SLC48A1: variants seen among roughly 807,000 people sequenced by gnomAD.
The protein encoded by SLC48A1 is solute carrier family 48 member 1.
Under a neutral mutation model 14.8 loss-of-function variants are expected in SLC48A1, and 6 were observed. The ratio of observed to expected loss-of-function variants is 0.41; its 90% CI spans 0.22 to 0.80. The LOEUF is 0.80. SLC48A1 is among the 30% of genes least tolerant of loss of function. The pLI is 0.34. For synonymous variants in SLC48A1, 89 were observed against 90.0 expected (o/e 0.99, Z 0.06); for missense variants, 165 against 204.8 (o/e 0.81, Z 1.19).
Position 47,780,947 on chromosome 12 carries a change from G to A in SLC48A1, c.*666G>A, listed in dbSNP as rs1342857412. On this transcript the variant is annotated 3_prime_UTR_variant, in exon 3 of 3. Transcript: ENST00000442218. The stretch of plus-strand genomic sequence containing the variant: ...CAAAGTCAAGAGGTCAAGGTGTAGG[G>A]CCATGAGGCCTGGACCTATGCTGCA... 1 of 532,754 alleles carries A rather than the reference G, an allele frequency of 1.9e-6. No homozygotes were observed. Among genetic ancestry groups the A allele is most frequent in the South Asian group, 1.4e-5 (1 of 71,398 alleles). The allele number at this position is 532,754 out of a possible 1,614,324, so 33.0% of individuals were successfully genotyped here. A position where few individuals can be genotyped will look rare whatever the true frequency, so the allele number is the denominator to read the frequency against.
intron 2 of SLC48A1, among the ~76,000 whole-genome samples, chr12:47,764,885 T>C (rs1411638052): frequency 5.9e-5 from 9 of 151,978 alleles, no homozygotes; most frequent in Admixed American, 5.9e-4. Context: ...GAGACCATCC[T>C]GGCCAACATG....
chr12:47,769,268 A>G (rs995228699), upstream of SLC48A1: 1 of 152,306 alleles, frequency 6.6e-6, no homozygotes, highest in Non-Finnish European at 1.5e-5. Context: ...GTGGAGCACT[A>G]GTAGTTTCTG....
intron 1 of SLC48A1, among the ~76,000 whole-genome samples, chr12:47,773,917 G>A (rs1942685798): frequency 6.6e-6 from 1 of 152,264 alleles, no homozygotes; most frequent in African/African-American, 2.4e-5. Flanking sequence ...GGGAAGAAGT[G>A]GGAAAGGAAG....
upstream of SLC48A1, among the ~76,000 whole-genome samples, chr12:47,771,945 A>C (rs928687120): frequency 9.2e-5 from 14 of 152,032 alleles, no homozygotes; most frequent in Non-Finnish European, 1.8e-4. Context: ...AAAAAAAAAA[A>C]AAGTCAAGGA....
At chr12:47,775,255 G>A (rs1375113124) in intron 1 of SLC48A1, among the ~76,000 whole-genome samples, 3 of 152,188 alleles carry the variant, frequency 2.0e-5, no homozygotes, top group African/African-American at 7.2e-5. Flanking sequence ...ACTCTAGGGA[G>A]TTGCCTGGGG....
chr12:47,758,478 A>C, upstream of SLC48A1: 2 of 1,587,590 alleles, frequency 1.3e-6, no homozygotes, highest in Non-Finnish European at 8.6e-7. Flanking sequence ...TCTCCCACCC[A>C]AACTCCCCAC....
chr12:47,774,572 A>G (rs1383355301), intron 1 of SLC48A1, among the ~76,000 whole-genome samples: 1 of 152,202 alleles, frequency 6.6e-6, no homozygotes, highest in Non-Finnish European at 1.5e-5. Context: ...AGAACCCTAA[A>G]TGGAATAACT....
chr12:47,780,087 G>C, intron 2 of SLC48A1, 58 bp from the exon 3 acceptor site: 1 of 1,474,642 alleles, frequency 6.8e-7, no homozygotes, highest in South Asian at 1.4e-5. Context: ...CTTGTGGCCG[G>C]TGCAGAGGCC....
upstream of SLC48A1, among the ~76,000 whole-genome samples, chr12:47,766,962 G>A (rs1157512356): frequency 1.3e-5 from 2 of 152,108 alleles, no homozygotes; most frequent in Non-Finnish European, 2.9e-5. Flanking sequence ...CTCCTAGAAT[G>A]CATGGTGATG....
intron 1 of SLC48A1, among the ~76,000 whole-genome samples, chr12:47,759,412 C>G (rs757895416): frequency 7.9e-5 from 10 of 125,872 alleles, no homozygotes; most frequent in Non-Finnish European, 1.2e-4. Context: ...CCCACTGCCC[C>G]CTGCCCCAGC....
upstream of SLC48A1, among the ~76,000 whole-genome samples, chr12:47,769,962 A>G (rs1942596048): frequency 6.6e-6 from 1 of 152,276 alleles, no homozygotes; most frequent in African/African-American, 2.4e-5. Flanking sequence ...CAAGTATTCA[A>G]TAGCCACCTG....
In SLC48A1 at chr12:47,780,562, T is replaced by C. The variant is rs553716840; in HGVS notation, c.*281T>C. 1.7e-5 allele frequency: 10 copies of C among 593,014 alleles called. No homozygotes were observed. The highest frequency in any genetic ancestry group is 1.4e-4 in the South Asian group (9 of 65,160). 36.7% of individuals were successfully genotyped at this position (593,014 alleles called of 1,614,324 possible). On this transcript the variant is annotated 3_prime_UTR_variant, in exon 3 of 3. Coordinates refer to ENST00000442218, the MANE Select transcript of SLC48A1 (RefSeq NM_017842.3). ...GAATCTGTTTTCTTTTCTTTCTTTT[T>C]TTTTTCTTTTTTTTTTTTTTTTGAG...
At chr12:47,768,868 G>A (rs904259651), upstream of SLC48A1, 3 of 152,176 alleles carry the variant, frequency 2.0e-5, no homozygotes, top group Non-Finnish European at 4.4e-5. Flanking sequence ...TGGAATGAGG[G>A]ATGATGTATT....
chr12:47,778,864 A>T, intron 1 of SLC48A1, 164 bp from the exon 2 acceptor site: 2 of 747,450 alleles, frequency 2.7e-6, no homozygotes, highest in Non-Finnish European at 4.1e-6. Context: ...TCAGTCTCTT[A>T]CCTGCTTCTG....
In SLC48A1 at chr12:47,781,509, C is replaced by T. The variant is rs533714715; in HGVS notation, c.*1228C>T. 2.6e-5 allele frequency: 4 copies of T among 153,508 alleles called. No homozygotes were observed. The highest frequency in any genetic ancestry group is 2.1e-4 in the South Asian group (1 of 4,872). 9.5% of individuals were successfully genotyped at this position (153,508 alleles called of 1,614,324 possible). ...GCCCATACACTGGCCCAAGGGCTCACCTAACTTGGGAGGGAAGGGGCTGTT... is the reference window on the plus strand; with the variant it reads ...GCCCATACACTGGCCCAAGGGCTCATCTAACTTGGGAGGGAAGGGGCTGTT... On this transcript the variant is annotated 3_prime_UTR_variant, in exon 3 of 3. Transcript: ENST00000442218.
At chr12:47,779,569 T>C (rs4760636) in intron 2 of SLC48A1, among the ~76,000 whole-genome samples, 119,559 of 152,076 alleles carry the variant, frequency 0.79, 47,211 homozygotes, top group East Asian at 0.92. Flanking sequence ...GCCTAGGGTA[T>C]TTGTCACAAA....
Position 47,777,914 on chromosome 12 carries a change from C to T in SLC48A1, c.137-1114C>T, listed in dbSNP as rs1374548093. Among the ~76,000 whole-genome samples, 1 of 152,134 alleles carries T rather than the reference C, an allele frequency of 6.6e-6. No individual in the cohort carries two copies. The highest frequency in any genetic ancestry group is 1.9e-4 in the East Asian group (1 of 5,198). On this transcript the variant is annotated intron_variant, in intron 1 of 2. Transcript: ENST00000442218. This position sits in a 1 kb window ranked among gnomAD's most constrained non-coding sequence, Gnocchi z 4.5. Reference sequence around the variant, plus strand: ...TTTCCCCAACCAGATGCTTATCCTTCCTGTGCACATTTGGTAACTACTCTG... The same window carrying T: ...TTTCCCCAACCAGATGCTTATCCTTTCTGTGCACATTTGGTAACTACTCTG...
In SLC48A1 at chr12:47,759,207, G is replaced by C. The variant is rs562145373; in HGVS notation, c.-373+547G>C. On this transcript the variant is annotated intron_variant, in intron 1 of 4. Coordinates refer to the SLC48A1 transcript ENST00000547002. Reference sequence around the variant, plus strand: ...GAGGAGAAATGCAAACAAGGAAACCGGGGAGAGCGGGGAGGGGGTGAGTCA... The same window carrying C: ...GAGGAGAAATGCAAACAAGGAAACCCGGGAGAGCGGGGAGGGGGTGAGTCA... 1.9e-5 allele frequency: 12 copies of C among 635,406 alleles called. No homozygotes were observed. In the African/African-American group the frequency reaches 2.0e-4, roughly 10 times the overall value. 39.4% of individuals were successfully genotyped at this position (635,406 alleles called of 1,614,324 possible).
upstream of SLC48A1, chr12:47,755,970 GA>G (rs1286034347): frequency 1.3e-5 from 2 of 152,222 alleles, no homozygotes; most frequent in Admixed American, 6.5e-5. Context: ...ATGATGGAAT[GA>G]AACCTCCCCA....
Sources: allele counts gnomAD v4.1 joint callset (sites outside exome capture counted in the v4.1 genomes callset), GRCh38; gene constraint gnomAD v4.1.1; non-coding constraint Gnocchi (gnomAD v3.1); transcripts MANE v1.5; gene names NCBI Gene and HGNC (gene_info 2026-07-23, HGNC 2026-07-21).